ZNF559: variants seen among roughly 807,000 people sequenced by gnomAD.
The protein encoded by ZNF559 is putative protein product of Nbla00121.
ZNF559 carries 17 observed loss-of-function variants against 14.2 expected under a neutral mutation model. The ratio of observed to expected loss-of-function variants is 1.20; its 90% CI spans 0.82 to 1.80. ZNF559 has a LOEUF of 1.80. ZNF559 is among the 40% of genes most tolerant of loss of function. ZNF559 has a pLI of 0.00. For missense variants in ZNF559, 740 were observed against 629.7 expected (o/e 1.18, Z -1.88); for synonymous variants, 244 against 212.4 (o/e 1.15, Z -1.29).
At chr19:9,336,994 AGAT>A (rs1268961166) in intron 2 of ZNF559, among the ~76,000 whole-genome samples, 1 of 152,202 alleles carries the variant, frequency 6.6e-6, no homozygotes, top group Non-Finnish European at 1.5e-5. Flanking sequence ...CAAAGGGAAA[AGAT>A]GAATGAAGTC....
chr19:9,323,959 G>T, upstream of ZNF559: 3 of 568,772 alleles, frequency 5.3e-6, no homozygotes, highest in Non-Finnish European at 9.4e-6. Context: ...TGCTTTGCTG[G>T]GCGTTTTGTC....
chr19:9,341,956 C>T lies in ZNF559; in HGVS notation c.505C>T (p.Gln169Ter). The change falls in exon 7 of 7, where the codon CAA becomes TAA. Residue 169 changes from glutamine (Q) to a stop codon, truncating the protein, a stop_gained. Transcript: ENST00000603380. LOFTEE classifies it low-confidence loss of function (END_TRUNC). ...ACATCTTGTTTGCAAGAAAACTAGC[C>T]AAAATCTACATCTTGTTTGCAAGAA... The part of the protein sequence containing the change: ...HLHLVCKKTS[Q>*]NLHLVCKKTH... 1 of 1,613,708 alleles carries T rather than the reference C, an allele frequency of 6.2e-7. No homozygotes were observed. The highest frequency in any genetic ancestry group is 8.5e-7 in the Non-Finnish European group (1 of 1,179,908).
In ZNF559 at chr19:9,342,606, A is replaced by G. The variant is rs1353194218; in HGVS notation, c.1155A>G (p.Glu385=). The part of the protein sequence containing the change: ...HTGEKPYQCK[E]CGKAFINSSS... ...GTGAGAAGCCTTATCAATGTAAGGAATGTGGAAAAGCCTTTATTAATTCCT... is the reference window on the plus strand; with the variant it reads ...GTGAGAAGCCTTATCAATGTAAGGAGTGTGGAAAAGCCTTTATTAATTCCT... Residue 385 remains glutamate, a synonymous_variant, in exon 7 of 7, where the codon GAA becomes GAG. Transcript: ENST00000603380. 17 of 1,614,110 alleles carry G rather than the reference A, an allele frequency of 1.1e-5. No individual in the cohort carries two copies. The highest frequency in any genetic ancestry group is 1.4e-5 in the Non-Finnish European group (16 of 1,180,012).
chr19:9,343,642 A>G lies in ZNF559; in HGVS notation c.*574A>G. On this transcript the variant is annotated 3_prime_UTR_variant, in exon 7 of 7. Coordinates refer to ENST00000603380, the MANE Select transcript of ZNF559 (RefSeq NM_032497.3). ...CACATTGAGAAGTCCCATGAGTGAA[A>G]GAGATGTTGGAAAGCCCTTGAACTT... is the stretch of plus-strand genomic sequence containing the variant. The G allele has an allele frequency of 7.1e-6, 7 of 988,558 alleles. No homozygotes were observed. The highest frequency in any genetic ancestry group is 7.2e-6 in the Non-Finnish European group (6 of 831,866). The allele number at this position is 988,558 out of a possible 1,614,324, so 61.2% of individuals were successfully genotyped here.
intron 5 of ZNF559, among the ~76,000 whole-genome samples, chr19:9,340,567 TAAAAA>T (rs34086147): frequency 6.6e-5 from 5 of 75,788 alleles, no homozygotes; most frequent in East Asian, 3.6e-4. Context: ...TCTCTGTCTC[TAAAAA>T]AAAAAAAAAA....
chr19:9,325,457 AAAC>A (rs1194423002), intron 2 of ZNF559, among the ~76,000 whole-genome samples: 9 of 151,776 alleles, frequency 5.9e-5, no homozygotes, highest in Non-Finnish European at 7.4e-5. Flanking sequence ...GAAGAAAAAA[AAAC>A]AAATACTGAT....
At chr19:9,337,456 A>G (rs1485164560) in intron 2 of ZNF559, among the ~76,000 whole-genome samples, 1 of 152,188 alleles carries the variant, frequency 6.6e-6, no homozygotes, top group Non-Finnish European at 1.5e-5. Flanking sequence ...TGGGCAACCC[A>G]GGCCTGTTGA....
At position 9,324,626 on chromosome 19, in the gene ZNF559, C is replaced by A. The variant is rs1308365429; in HGVS notation, c.-205-69C>A. Reference sequence around the variant, plus strand: ...CAGGGCAACATAGGGAGACCCCCCCCCCCAACCATCTCTAATGGAAAAAAA... The same window carrying A: ...CAGGGCAACATAGGGAGACCCCCCCACCCAACCATCTCTAATGGAAAAAAA... On this transcript the variant is annotated intron_variant, in intron 1 of 6. Coordinates refer to ENST00000603380, the MANE Select transcript of ZNF559 (RefSeq NM_032497.3). 30 of 1,041,284 alleles carry A rather than the reference C, an allele frequency of 2.9e-5. 1 individual carries two copies. Among genetic ancestry groups the A allele is most frequent in the Non-Finnish European group, 3.9e-5 (29 of 746,486 alleles). The allele number at this position is 1,041,284 out of a possible 1,614,324, so 64.5% of individuals were successfully genotyped here. A position where few individuals can be genotyped will look rare whatever the true frequency, so the allele number is the denominator to read the frequency against.
rs1448922897 is a variant in ZNF559, at chr19:9,325,636, C to CA, written c.-120+862dup. On this transcript the variant is annotated intron_variant, in intron 2 of 6. Transcript: ENST00000603380. ...TGAAACCCCGTCTTTACTCAAAATA[C>CA]AAAAAATTAGCCGGGCGTGGGCACC... 1.3e-4 allele frequency among the ~76,000 whole-genome samples: 20 copies of CA among 152,018 alleles called. 1 individual carries two copies. The highest frequency in any genetic ancestry group is 4.6e-4 in the African/African-American group (19 of 41,458).
chr19:9,340,567 TAAAAAAAA>T (rs34086147), intron 5 of ZNF559, among the ~76,000 whole-genome samples: 14 of 75,788 alleles, frequency 1.8e-4, no homozygotes, highest in African/African-American at 8.2e-4. Context: ...TCTCTGTCTC[TAAAAAAAA>T]AAAAAAAAAA....
chr19:9,324,140 C>G (rs1357691742), upstream of ZNF559: 4 of 1,535,366 alleles, frequency 2.6e-6, no homozygotes, highest in Admixed American at 2.0e-5. Flanking sequence ...CCTAGGTGGT[C>G]CTAGCCTTTG....
In ZNF559 at chr19:9,342,238, CATAGT is replaced by C. The variant is rs769007102; in HGVS notation, c.789_793del (p.His263GlnfsTer8). The C allele has an allele frequency of 2.1e-5, 33 of 1,586,434 alleles. No homozygotes were observed. The highest frequency in any genetic ancestry group is 5.6e-5 in the Admixed American group (3 of 53,452). On this transcript the variant is annotated frameshift_variant, in exon 7 of 7. Coordinates refer to ENST00000603380, the MANE Select transcript of ZNF559 (RefSeq NM_032497.3). LOFTEE classifies it low-confidence loss of function (END_TRUNC). Reference sequence around the variant, plus strand: ...ATATCTTACTCAACATTTAAGAACTCATAGTAGAGTGTTACCTATAGAACATAAGA... The same window carrying C: ...ATATCTTACTCAACATTTAAGAACTCAGAGTGTTACCTATAGAACATAAGA...
At chr19:9,325,504 G>A (rs2066535728) in intron 2 of ZNF559, among the ~76,000 whole-genome samples, 1 of 150,834 alleles carries the variant, frequency 6.6e-6, no homozygotes, top group Non-Finnish European at 1.5e-5. Flanking sequence ...TAAAACAAAT[G>A]TCTTTAGTCC....
At chr19:9,325,167 G>T (rs927608822) in intron 2 of ZNF559, among the ~76,000 whole-genome samples, 11 of 152,148 alleles carry the variant, frequency 7.2e-5, no homozygotes, top group African/African-American at 2.7e-4. Flanking sequence ...ACTGAGGGCG[G>T]GGCAAGGTGG....
chr19:9,332,747 G>A (rs1459563410), intron 2 of ZNF559, among the ~76,000 whole-genome samples: 2 of 152,100 alleles, frequency 1.3e-5, no homozygotes, highest in Non-Finnish European at 2.9e-5. Context: ...CTTCATGTGT[G>A]GCAGATTCTT....
chr19:9,338,118 G>A (rs2067342270), intron 3 of ZNF559: 1 of 1,066,656 alleles, frequency 9.4e-7, no homozygotes, highest in African/African-American at 1.6e-5. Flanking sequence ...CTGCTTTTGA[G>A]ATACCTAGAA....
Position 9,344,179 on chromosome 19 carries a change from T to G in ZNF559, c.*1111T>G, listed in dbSNP as rs559021155. 1 of 152,192 alleles carries G rather than the reference T, an allele frequency of 6.6e-6. No homozygotes were observed. The highest frequency in any genetic ancestry group is 2.4e-5 in the African/African-American group (1 of 41,506). 9.4% of individuals were successfully genotyped at this position (152,192 alleles called of 1,614,324 possible). On this transcript the variant is annotated 3_prime_UTR_variant, in exon 7 of 7. Transcript: ENST00000603380. The stretch of plus-strand genomic sequence containing the variant: ...TTGCTTGAACCCGGGAGGCGGAAGC[T>G]GCAGTGAGCTCAGATCACGCCACTG...
chr19:9,341,484 T>G (rs2067582110), intron 6 of ZNF559: 1 of 927,342 alleles, frequency 1.1e-6, no homozygotes, highest in African/African-American at 1.6e-5. Context: ...CCTCTGAAAG[T>G]AAAGAATATA....
At chr19:9,336,824 C>G (rs2067266576) in intron 2 of ZNF559, among the ~76,000 whole-genome samples, 1 of 152,162 alleles carries the variant, frequency 6.6e-6, no homozygotes, top group Non-Finnish European at 1.5e-5. Flanking sequence ...ATTTTTACAG[C>G]TGGAGGAGCT....
Sources: allele counts gnomAD v4.1 joint callset (sites outside exome capture counted in the v4.1 genomes callset), GRCh38; gene constraint gnomAD v4.1.1; transcripts MANE v1.5; gene names NCBI Gene and HGNC (gene_info 2026-07-23, HGNC 2026-07-21).